PATJ: variants seen among roughly 807,000 people sequenced by gnomAD.
PATJ encodes the protein inaD-like protein.
In PATJ, 190 loss-of-function variants were observed where a neutral mutation model predicts 224.9. That is an observed-to-expected ratio of 0.84 (90% CI 0.75 to 0.95). The LOEUF (loss-of-function observed/expected upper bound fraction) is 0.95, where lower values mean the gene tolerates loss of function less well. Among genes scored for constraint, PATJ ranks in the 40% least tolerant of loss-of-function variants. The pLI is 0.00. For missense variants in PATJ, 2,121 were observed against 2,270.3 expected (o/e 0.93, Z 1.34); for synonymous variants, 769 against 820.3 (o/e 0.94, Z 1.07).
chr1:61,767,267 G>A (rs1214741393), intron 4 of PATJ, among the ~76,000 whole-genome samples: 1 of 152,108 alleles, frequency 6.6e-6, no homozygotes, highest in Non-Finnish European at 1.5e-5. Context: ...AAGTTTGAAT[G>A]TGGTAGCTTA....
intron 22 of PATJ, among the ~76,000 whole-genome samples, chr1:61,892,716 A>G (rs1340107167): frequency 6.6e-6 from 1 of 152,174 alleles, no homozygotes; most frequent in Non-Finnish European, 1.5e-5. Flanking sequence ...AAGAAGGTAC[A>G]GCGAGGATAC....
chr1:61,932,173 C>A (rs1012548787), intron 27 of PATJ, among the ~76,000 whole-genome samples: 12 of 152,008 alleles, frequency 7.9e-5, no homozygotes, highest in African/African-American at 2.7e-4. Context: ...TCCCTGCCTG[C>A]CCCCCCAACA....
intron 41 of PATJ, among the ~76,000 whole-genome samples, chr1:62,147,329 G>C (rs183013822): frequency 6.6e-6 from 1 of 152,166 alleles, no homozygotes; most frequent in Non-Finnish European, 1.5e-5. Context: ...CTAGTGAATT[G>C]TGGTGTCATG....
intron 31 of PATJ, among the ~76,000 whole-genome samples, chr1:62,068,898 T>C (rs1410578681): frequency 6.6e-6 from 1 of 152,244 alleles, no homozygotes; most frequent in Non-Finnish European, 1.5e-5. Context: ...TTCTTCATTC[T>C]TCTTTTTTAG....
intron 34 of PATJ, among the ~76,000 whole-genome samples, 157 bp from the exon 35 acceptor site, chr1:62,113,896 A>G (rs1288411486): frequency 1.3e-5 from 2 of 152,184 alleles, no homozygotes; most frequent in East Asian, 3.9e-4. Flanking sequence ...TTTATATTCA[A>G]AGCAGCTCAT....
intron 1 of PATJ, among the ~76,000 whole-genome samples, chr1:61,747,991 G>A (rs923747709): frequency 2.0e-5 from 3 of 152,016 alleles, no homozygotes; most frequent in African/African-American, 4.8e-5. Flanking sequence ...AGTGATTCTC[G>A]TGCCTCAGTC....
intron 29 of PATJ, among the ~76,000 whole-genome samples, chr1:62,036,687 A>G (rs1395476356): frequency 2.0e-5 from 3 of 151,858 alleles, no homozygotes; most frequent in African/African-American, 7.3e-5. Context: ...GAGGGGAAGG[A>G]TGGGTGGGGT....
At chr1:62,126,238 A>C (rs892564249) in intron 39 of PATJ, among the ~76,000 whole-genome samples, 1 of 152,096 alleles carries the variant, frequency 6.6e-6, no homozygotes, top group Non-Finnish European at 1.5e-5. Context: ...TGGAATTTCT[A>C]TCTGAATGTT....
chr1:61,994,051 T>TA (rs139199633), intron 28 of PATJ, among the ~76,000 whole-genome samples: 2,450 of 151,780 alleles, frequency 0.016, 20 homozygotes, highest in Non-Finnish European at 0.026. Context: ...TTCTCTAGTT[T>TA]AAAAAAAAAT....
chr1:62,121,968 G>T (rs1296989302), intron 38 of PATJ, among the ~76,000 whole-genome samples: 1 of 151,502 alleles, frequency 6.6e-6, no homozygotes, highest in South Asian at 2.1e-4. Context: ...AAAAAAAAAA[G>T]TGTGTATATC....
At chr1:62,088,288 G>T (rs1316617881) in intron 33 of PATJ, among the ~76,000 whole-genome samples, 1 of 152,160 alleles carries the variant, frequency 6.6e-6, no homozygotes, top group Non-Finnish European at 1.5e-5. Flanking sequence ...TATGTAGAAA[G>T]TCTCACATAC....
In PATJ at chr1:61,985,959, T is replaced by A. The variant is rs192945961; in HGVS notation, c.3671-4209T>A. On this transcript the variant is annotated intron_variant, in intron 27 of 43. Transcript: ENST00000642238. ...GAGATTTTGTTTCCCCTAACATTAT[T>A]TGGACTCCTATCTCCCAGGCATTTT... Among the ~76,000 whole-genome samples, 143 of 152,148 alleles carry A rather than the reference T, an allele frequency of 9.4e-4. 3 individuals carry two copies. The highest frequency in any genetic ancestry group is 3.2e-3 in the African/African-American group (131 of 41,414).
rs1483010408 is a variant in PATJ, at chr1:61,871,553, ATATATTTTT to A, written c.2836-3688_2836-3680del. Reference sequence around the variant, plus strand: ...TGTGTGTGTGTGTATATATATATATATATATTTTTTTTTTTTTTTTTTTTTTTGAGATGG... The same window carrying A: ...TGTGTGTGTGTGTATATATATATATATTTTTTTTTTTTTTTTTTGAGATGG... On this transcript the variant is annotated intron_variant, in intron 20 of 43. Transcript: ENST00000642238. Among the ~76,000 whole-genome samples, 246 of 25,492 alleles carry A rather than the reference ATATATTTTT, an allele frequency of 9.7e-3. 1 individual carries two copies. Among genetic ancestry groups the A allele is most frequent in the East Asian group, 0.016 (5 of 310 alleles). 16.7% of individuals were successfully genotyped at this position (25,492 alleles called of 152,430 possible). A position where few individuals can be genotyped will look rare whatever the true frequency, so the allele number is the denominator to read the frequency against.
chr1:62,088,869 C>CAT (rs34546051), intron 33 of PATJ, among the ~76,000 whole-genome samples: 10,277 of 143,430 alleles, frequency 0.072, 925 homozygotes, highest in African/African-American at 0.21. Context: ...ATATATAGAA[C>CAT]ATATATATAT....
At chr1:62,040,254 G>A (rs566108078) in intron 30 of PATJ, among the ~76,000 whole-genome samples, 6 of 151,728 alleles carry the variant, frequency 4.0e-5, no homozygotes, top group South Asian at 2.1e-4. Flanking sequence ...GATTACAGGC[G>A]CACACTACCA....
Position 61,981,073 on chromosome 1 carries a change from CA to C in PATJ, c.3671-9091del, listed in dbSNP as rs1644424592. Reference sequence around the variant, plus strand: ...GAGGAAGGGAAATCTATTATGCAATCAAAATAGACCTTTTATTTAATCCCGA... The same window carrying C: ...GAGGAAGGGAAATCTATTATGCAATCAAATAGACCTTTTATTTAATCCCGA... On this transcript the variant is annotated intron_variant, in intron 27 of 43. Transcript: ENST00000642238. Among the ~76,000 whole-genome samples, 3 of 152,048 alleles carry C rather than the reference CA, an allele frequency of 2.0e-5. No individual in the cohort carries two copies. In the South Asian group the frequency reaches 6.2e-4, roughly 32 times the overall value.
chr1:61,978,008 C>T (rs1449821364), intron 27 of PATJ, among the ~76,000 whole-genome samples: 2 of 151,770 alleles, frequency 1.3e-5, no homozygotes, highest in African/African-American at 4.9e-5. Flanking sequence ...ATGTAACCAC[C>T]ATCCAGGTAA....
intron 17 of PATJ, among the ~76,000 whole-genome samples, chr1:61,848,037 G>A (rs1251036984): frequency 1.3e-5 from 2 of 151,902 alleles, no homozygotes; most frequent in Non-Finnish European, 2.9e-5. Context: ...TCTGTCTTTC[G>A]TTACTTTTTA....
chr1:61,817,558 G>A (rs1656380526), intron 14 of PATJ, among the ~76,000 whole-genome samples: 1 of 152,138 alleles, frequency 6.6e-6, no homozygotes, highest in Admixed American at 6.5e-5. Context: ...CAGCTGCTGG[G>A]GAGGTTAAGG....
Sources: gnomAD v4.1 joint callset for allele counts (sites outside exome capture counted in the v4.1 genomes callset) on GRCh38, gnomAD v4.1.1 for gene constraint, MANE v1.5 for transcripts, NCBI Gene and HGNC (gene_info 2026-07-23, HGNC 2026-07-21) for gene names.